MYL12B: variants seen among roughly 807,000 people sequenced by gnomAD.
MYL12B encodes myosin regulatory light chain 12B.
MYL12B carries 3 observed loss-of-function variants against 12.9 expected under a neutral mutation model. That is an observed-to-expected ratio of 0.23 (90% CI 0.11 to 0.60). MYL12B has a LOEUF of 0.60. Ranked by LOEUF, MYL12B falls within the 20% of genes least tolerant of loss-of-function variation. The probability of loss-of-function intolerance (pLI) is 0.89; values close to 1 mark genes in which losing one functional copy is unlikely to be tolerated. For synonymous variants in MYL12B, 57 were observed against 71.9 expected (o/e 0.79, Z 1.05); for missense variants, 120 against 215.4 (o/e 0.56, Z 2.77).
At chr18:3,275,922 G>A (rs910001783) in intron 2 of MYL12B, among the ~76,000 whole-genome samples, 2 of 152,066 alleles carry the variant, frequency 1.3e-5, no homozygotes, top group Admixed American at 6.5e-5. Flanking sequence ...TAATCAGGTA[G>A]GACTGCAATG....
chr18:3,277,302 A>C lies in MYL12B; in HGVS notation c.234A>C (p.Pro78=). 1.2e-6 allele frequency: 2 copies of C among 1,613,924 alleles called. No homozygotes were observed. Among genetic ancestry groups the C allele is most frequent in the Non-Finnish European group, 1.7e-6 (2 of 1,179,820 alleles). The stretch of plus-strand genomic sequence containing the variant: ...TTGATGCCATGATGAATGAGGCCCC[A>C]GGGCCCATCAATTTCACCATGTTCC... The part of the protein sequence containing the change: ...AYLDAMMNEA[P]GPINFTMFLT... The change falls in exon 3 of 4, where the codon CCA becomes CCC. Residue 78 remains proline, a synonymous_variant. Transcript: ENST00000237500.
rs1336431967 is a variant in MYL12B at position 3,272,804 on chromosome 18, T to TA, written c.-15-80_-15-79insA. 2,851 of 1,264,398 alleles carry TA rather than the reference T, an allele frequency of 2.3e-3. 45 individuals carry two copies. The Admixed American group carries it at 0.034, about 15-fold the overall frequency. 78.3% of individuals were successfully genotyped at this position (1,264,398 alleles called of 1,614,324 possible). ...CTTATTGATATTTTTACCTACAGACTTTAGGTATTATGTATTCTGTTTTTG... is the reference window on the plus strand; with the variant it reads ...CTTATTGATATTTTTACCTACAGACTATTAGGTATTATGTATTCTGTTTTTG... On this transcript the variant is annotated intron_variant, in intron 1 of 3. Coordinates refer to ENST00000237500, the MANE Select transcript of MYL12B (RefSeq NM_033546.4).
intron 2 of MYL12B, among the ~76,000 whole-genome samples, chr18:3,274,963 G>A (rs1284391445): frequency 6.6e-6 from 1 of 152,126 alleles, no homozygotes; most frequent in Non-Finnish European, 1.5e-5. Context: ...CCACTGCTAG[G>A]TATATACCCC....
chr18:3,273,167 A>G (rs1181131121), intron 2 of MYL12B, 85 bp downstream of exon 2: 2 of 1,400,424 alleles, frequency 1.4e-6, no homozygotes, highest in African/African-American at 1.5e-5. Flanking sequence ...ATGTACAAAT[A>G]TTTCTCTCCT....
At chr18:3,268,874 G>T (rs550668947) in intron 1 of MYL12B, among the ~76,000 whole-genome samples, 1 of 152,178 alleles carries the variant, frequency 6.6e-6, no homozygotes, top group South Asian at 2.1e-4. Flanking sequence ...TTGGCAGGTG[G>T]GCATGTTTCA....
rs920389779 is a variant in MYL12B at position 3,272,183 on chromosome 18, G to A, written c.-15-701G>A. Reference sequence around the variant, plus strand: ...ATGAGACCTTTTTTGAACATGACTAGTCTTTTTACATATGTTATCTCAATT... The same window carrying A: ...ATGAGACCTTTTTTGAACATGACTAATCTTTTTACATATGTTATCTCAATT... On this transcript the variant is annotated intron_variant, in intron 1 of 3. Transcript: ENST00000237500. 4 of 833,502 alleles carry A rather than the reference G, an allele frequency of 4.8e-6. No individual in the cohort carries two copies. The East Asian group carries it at 1.0e-3, about 210-fold the overall frequency. The allele number at this position is 833,502 out of a possible 1,614,324, so 51.6% of individuals were successfully genotyped here. A position where few individuals can be genotyped will look rare whatever the true frequency, so the allele number is the denominator to read the frequency against.
At chr18:3,270,529 C>T (rs1186595692) in intron 1 of MYL12B, among the ~76,000 whole-genome samples, 1 of 152,100 alleles carries the variant, frequency 6.6e-6, no homozygotes, top group Non-Finnish European at 1.5e-5. Context: ...AGGCATTTCC[C>T]CTAATAAAAT....
intron 3 of MYL12B, 31 bp downstream of exon 3, chr18:3,277,445 T>C: frequency 6.2e-7 from 1 of 1,610,094 alleles, no homozygotes; most frequent in Non-Finnish European, 8.5e-7. Flanking sequence ...CCCAGCCTCA[T>C]TCCACACTAT....
chr18:3,272,162 G>C, intron 1 of MYL12B: 4 of 853,784 alleles, frequency 4.7e-6, no homozygotes, highest in Non-Finnish European at 5.2e-6. Context: ...ATAAAGATGA[G>C]ACCTTTTTTG....
chr18:3,274,345 T>C (rs1435455493), intron 2 of MYL12B, among the ~76,000 whole-genome samples: 1 of 152,212 alleles, frequency 6.6e-6, no homozygotes, highest in Non-Finnish European at 1.5e-5. Flanking sequence ...AGAGGTTGTC[T>C]TTGAGACCTT....
At chr18:3,267,066 T>C (rs2081640217) in intron 1 of MYL12B, among the ~76,000 whole-genome samples, 1 of 152,206 alleles carries the variant, frequency 6.6e-6, no homozygotes, top group Admixed American at 6.5e-5. Context: ...AACTTAATAA[T>C]CTAAGTGGTT....
intron 1 of MYL12B, among the ~76,000 whole-genome samples, chr18:3,270,962 G>A (rs1178359025): frequency 1.3e-5 from 2 of 152,120 alleles, no homozygotes; most frequent in South Asian, 2.1e-4. Context: ...GTGAGCCACC[G>A]CACCCGGCCT....
chr18:3,268,689 T>C (rs1023690477), intron 1 of MYL12B, among the ~76,000 whole-genome samples: 7 of 152,190 alleles, frequency 4.6e-5, no homozygotes, highest in African/African-American at 1.4e-4. Context: ...ATTGGTGGCA[T>C]TGCAAGTTTT....
chr18:3,277,181 CATA>C (rs2081739642), intron 2 of MYL12B, 69 bp from the exon 3 acceptor site: 2 of 1,375,064 alleles, frequency 1.5e-6, no homozygotes, highest in South Asian at 1.6e-5. Context: ...TGTTGGGGAG[CATA>C]ATAATAGTGA....
In MYL12B at chr18:3,278,090, T is replaced by A. The variant is rs1390831187; in HGVS notation, c.*153T>A. 2.3e-5 allele frequency: 20 copies of A among 870,508 alleles called. No homozygotes were observed. Among genetic ancestry groups the A allele is most frequent in the Non-Finnish European group, 3.3e-5 (19 of 584,436 alleles). 53.9% of individuals were successfully genotyped at this position (870,508 alleles called of 1,614,324 possible). ...TATTTATTCCAGACCTTTCTGCCAC[T>A]TAGCACTTGTATAATCAGACTGGAA... On this transcript the variant is annotated 3_prime_UTR_variant, in exon 4 of 4. Coordinates refer to ENST00000237500, the MANE Select transcript of MYL12B (RefSeq NM_033546.4).
intron 2 of MYL12B, among the ~76,000 whole-genome samples, chr18:3,273,861 T>TTTTCC (rs57723482): frequency 4.2e-5 from 6 of 142,952 alleles, no homozygotes; most frequent in Middle Eastern, 3.3e-3. Context: ...GTTTTTTTTT[T>TTTTCC]CTCTCTTTTA....
chr18:3,277,870 A>G lies in MYL12B; in HGVS notation c.452A>G (p.Lys151Arg), dbSNP rs762119358. The change falls in exon 4 of 4, where the codon AAG becomes AGG. Residue 151 changes from lysine to arginine, a missense_variant. Physicochemically the swap from Lys to Arg is conservative, Grantham distance 26. Coordinates refer to ENST00000237500, the MANE Select transcript of MYL12B (RefSeq NM_033546.4). ...TACAGAGAAGCACCTATTGACAAAA[A>G]GGGGAATTTCAATTACATCGAGTTC... is the stretch of plus-strand genomic sequence containing the variant. ...ELYREAPIDK[K>R]GNFNYIEFTR... 1.9e-6 allele frequency: 3 copies of G among 1,614,132 alleles called. No individual in the cohort carries two copies. In the Admixed American group the frequency reaches 5.0e-5, roughly 27 times the overall value.
At chr18:3,262,591 C>T (rs2081601985) in intron 1 of MYL12B, 1 of 152,306 alleles carries the variant, frequency 6.6e-6, no homozygotes, top group Admixed American at 6.5e-5. Context: ...CTTGGACGGC[C>T]CGGCTGCCCG....
At chr18:3,277,615 TATAGTTCATATAGCC>T in intron 3 of MYL12B, 135 bp from the exon 4 acceptor site, 2 of 1,236,646 alleles carry the variant, frequency 1.6e-6, no homozygotes, top group South Asian at 3.4e-5. Context: ...AACATAATGA[TATAGTTCATATAGCC>T]TTAGTTCACT....
Sources: gnomAD v4.1 joint callset for allele counts (sites outside exome capture counted in the v4.1 genomes callset) on GRCh38, gnomAD v4.1.1 for gene constraint, MANE v1.5 for transcripts, NCBI Gene and HGNC (gene_info 2026-07-23, HGNC 2026-07-21) for gene names.